C1QTNF7: variants seen among roughly 807,000 people sequenced by gnomAD.
C1QTNF7 encodes complement C1q tumor necrosis factor-related protein 7.
Under a neutral mutation model 19.6 loss-of-function variants are expected in C1QTNF7, and 15 were observed. The observed-to-expected ratio is 0.76, with a 90% CI of 0.51 to 1.18. C1QTNF7 has a LOEUF of 1.18. Among genes scored for constraint, C1QTNF7 ranks in the 50% most tolerant of loss-of-function variants. The pLI is 0.00. For synonymous variants in C1QTNF7, 142 were observed against 137.5 expected, an observed-to-expected ratio of 1.03 and a Z score of -0.23; for missense variants, 324 against 359.7, an observed-to-expected ratio of 0.90 and a Z score of 0.80.
At chr4:15,407,022 G>C (rs1272699806) in intron 1 of C1QTNF7, among the ~76,000 whole-genome samples, 1 of 152,116 alleles carries the variant, frequency 6.6e-6, no homozygotes, top group East Asian at 1.9e-4. Context: ...TCAAGTTCAT[G>C]TTTTAAATCC....
intron 1 of C1QTNF7, among the ~76,000 whole-genome samples, chr4:15,397,860 A>C (rs1272852983): frequency 6.6e-6 from 1 of 152,214 alleles, no homozygotes; most frequent in East Asian, 1.9e-4. Flanking sequence ...AAAATCTCTC[A>C]GCAGATGCTG....
intron 1 of C1QTNF7, among the ~76,000 whole-genome samples, chr4:15,350,223 GAAGGAGGAAAGA>G (rs1457154941): frequency 6.2e-5 from 6 of 96,480 alleles, no homozygotes; most frequent in East Asian, 4.0e-4. Flanking sequence ...GGGAGGGAAG[GAAGGAGGAAAGA>G]AGGGAGGGAG....
intron 1 of C1QTNF7, among the ~76,000 whole-genome samples, chr4:15,353,873 T>C (rs1160013440): frequency 6.6e-6 from 1 of 152,054 alleles, no homozygotes; most frequent in Non-Finnish European, 1.5e-5. Flanking sequence ...TTAATGAACT[T>C]ATGAATCTTA....
Position 15,442,943 on chromosome 4 carries a change from A to G in C1QTNF7, c.*144A>G, listed in dbSNP as rs1419239481. 1 of 845,374 alleles carries G rather than the reference A, an allele frequency of 1.2e-6. No individual in the cohort carries two copies. The highest frequency in any genetic ancestry group is 1.7e-6 in the Non-Finnish European group (1 of 583,024). 52.4% of individuals were successfully genotyped at this position (845,374 alleles called of 1,614,324 possible). A position where few individuals can be genotyped will look rare whatever the true frequency, so the allele number is the denominator to read the frequency against. On this transcript the variant is annotated 3_prime_UTR_variant, in exon 3 of 3. Transcript: ENST00000444304. Reference sequence around the variant, plus strand: ...TTCTAGCAGAATTTATCAAAACAAGATGAAACACAGAAAAGTTGAAACCAC... The same window carrying G: ...TTCTAGCAGAATTTATCAAAACAAGGTGAAACACAGAAAAGTTGAAACCAC...
chr4:15,349,924 A>C (rs889022995), intron 1 of C1QTNF7, among the ~76,000 whole-genome samples: 4 of 152,070 alleles, frequency 2.6e-5, no homozygotes, highest in African/African-American at 9.7e-5. Flanking sequence ...GCTAAAGGAA[A>C]TCTGTAACTC....
intron 1 of C1QTNF7, among the ~76,000 whole-genome samples, chr4:15,349,197 G>A (rs937037867): frequency 1.3e-5 from 2 of 152,204 alleles, no homozygotes; most frequent in Non-Finnish European, 2.9e-5. Flanking sequence ...GCAAACTGGG[G>A]TGACAATGAT....
intron 1 of C1QTNF7, among the ~76,000 whole-genome samples, chr4:15,431,061 GA>G (rs1712285760): frequency 8.0e-6 from 1 of 125,658 alleles, no homozygotes; most frequent in African/African-American, 3.0e-5. Flanking sequence ...ATGATAGATA[GA>G]TAGATAGATA....
At chr4:15,389,193 A>G (rs537060289) in intron 1 of C1QTNF7, among the ~76,000 whole-genome samples, 179 of 152,294 alleles carry the variant, frequency 1.2e-3, no homozygotes, top group African/African-American at 4.1e-3. Flanking sequence ...TAAGCCAGGA[A>G]GTAGCCATAG....
At chr4:15,414,905 C>G (rs1577268321) in intron 1 of C1QTNF7, among the ~76,000 whole-genome samples, 1 of 152,210 alleles carries the variant, frequency 6.6e-6, no homozygotes. Context: ...ATTCAAGATG[C>G]CTTCCTTACT....
intron 1 of C1QTNF7, among the ~76,000 whole-genome samples, chr4:15,404,481 A>T (rs1378478015): frequency 6.6e-6 from 1 of 152,246 alleles, no homozygotes; most frequent in Non-Finnish European, 1.5e-5. Context: ...ACACTTATAA[A>T]GTATTTAGAA....
At chr4:15,436,104 G>A (rs1172428991) in intron 2 of C1QTNF7, 123 bp downstream of exon 2, 22 of 1,348,410 alleles carry the variant, frequency 1.6e-5, no homozygotes, top group African/African-American at 2.9e-5. Flanking sequence ...TTCATTAATC[G>A]TAACTTACTG....
intron 1 of C1QTNF7, among the ~76,000 whole-genome samples, chr4:15,365,665 G>C (rs931632734): frequency 6.6e-6 from 1 of 152,176 alleles, no homozygotes; most frequent in Admixed American, 6.5e-5. Flanking sequence ...AGGATCCAGG[G>C]GCTCAAAAGA....
At chr4:15,412,286 T>C (rs547232898) in intron 1 of C1QTNF7, among the ~76,000 whole-genome samples, 1 of 152,294 alleles carries the variant, frequency 6.6e-6, no homozygotes, top group South Asian at 2.1e-4. Flanking sequence ...ACAATAAATG[T>C]AATGCACTTT....
intron 1 of C1QTNF7, among the ~76,000 whole-genome samples, chr4:15,368,493 A>C (rs1014497761): frequency 7.9e-5 from 12 of 151,278 alleles, no homozygotes; most frequent in Admixed American, 7.2e-4. Context: ...CCCTGTGTCC[A>C]AGTGTTCTCA....
intron 1 of C1QTNF7, among the ~76,000 whole-genome samples, chr4:15,399,628 C>G (rs901981582): frequency 2.0e-5 from 3 of 152,230 alleles, no homozygotes; most frequent in African/African-American, 7.2e-5. Context: ...AGCCCTCAAA[C>G]ATTAGCTCCT....
intron 1 of C1QTNF7, among the ~76,000 whole-genome samples, chr4:15,350,800 T>C (rs989949107): frequency 1.3e-5 from 2 of 152,212 alleles, no homozygotes; most frequent in Non-Finnish European, 2.9e-5. Flanking sequence ...GACCTCAGGA[T>C]AGCTGCCCCG....
chr4:15,434,010 G>T (rs1307579354), intron 1 of C1QTNF7, among the ~76,000 whole-genome samples: 1 of 151,930 alleles, frequency 6.6e-6, no homozygotes, highest in East Asian at 1.9e-4. Flanking sequence ...TTTTTCATCT[G>T]AAGCTCCTTT....
intron 1 of C1QTNF7, among the ~76,000 whole-genome samples, chr4:15,389,117 G>T (rs933584340): frequency 2.0e-5 from 3 of 152,222 alleles, no homozygotes; most frequent in Admixed American, 6.5e-5. Context: ...GGACTTTGCT[G>T]ATGAGCGGCC....
chr4:15,397,518 C>T (rs1028099074), intron 1 of C1QTNF7, among the ~76,000 whole-genome samples: 3 of 152,168 alleles, frequency 2.0e-5, no homozygotes, highest in African/African-American at 7.2e-5. Context: ...AGGAGTGTGC[C>T]TCTGCACCTC....
Sources: allele counts gnomAD v4.1 joint callset (sites outside exome capture counted in the v4.1 genomes callset), GRCh38; gene constraint gnomAD v4.1.1; transcripts MANE v1.5; gene names NCBI Gene and HGNC (gene_info 2026-07-23, HGNC 2026-07-21).